CRTAC1: variants seen among roughly 807,000 people sequenced by gnomAD.
The protein encoded by CRTAC1 is cartilage acidic protein 1.
In CRTAC1, 37 loss-of-function variants were observed where a neutral mutation model predicts 67.8. The observed-to-expected ratio is 0.55, with a 90% CI of 0.42 to 0.72. The LOEUF (loss-of-function observed/expected upper bound fraction) is 0.72. CRTAC1 is among the 30% of genes least tolerant of loss of function. The pLI is 0.00. For missense variants in CRTAC1, 780 were observed against 931.6 expected (o/e 0.84, Z 2.12); for synonymous variants, 348 against 371.0 (o/e 0.94, Z 0.71).
intron 2 of CRTAC1, among the ~76,000 whole-genome samples, chr10:98,010,560 C>CT (rs1564934145): frequency 6.6e-6 from 1 of 152,090 alleles, no homozygotes; most frequent in Non-Finnish European, 1.5e-5. Context: ...TAGTCTTATG[C>CT]TTTTTTTGCA....
chr10:97,936,723 G>T (rs968529828), intron 2 of CRTAC1, among the ~76,000 whole-genome samples: 5 of 152,212 alleles, frequency 3.3e-5, no homozygotes, highest in Admixed American at 6.5e-5. Flanking sequence ...AATGCAAAAG[G>T]CACTTTCACA....
At chr10:97,888,742 C>G (rs897096411) in intron 11 of CRTAC1, among the ~76,000 whole-genome samples, 1 of 152,042 alleles carries the variant, frequency 6.6e-6, no homozygotes, top group Non-Finnish European at 1.5e-5. Flanking sequence ...CCAGCAGCCT[C>G]GAAGCCAGCT....
rs1488909959 is a variant in CRTAC1 at position 97,975,368 on chromosome 10, C to T, written c.224+35770G>A. On this transcript the variant is annotated intron_variant, in intron 2 of 14. Coordinates refer to ENST00000370597, the MANE Select transcript of CRTAC1 (RefSeq NM_018058.7). The surrounding 1 kb of genome is among the most constrained non-coding windows in gnomAD (Gnocchi z 4.8). ...CCTGGCTGGAGGGTTCAAAAGACTTCAGACCTCCGGGGCCCTGTGCACAGA... is the reference window on the plus strand; with the variant it reads ...CCTGGCTGGAGGGTTCAAAAGACTTTAGACCTCCGGGGCCCTGTGCACAGA... 1.3e-5 allele frequency among the ~76,000 whole-genome samples: 2 copies of T among 151,914 alleles called. No individual in the cohort carries two copies. Among genetic ancestry groups the T allele is most frequent in the African/African-American group, 4.8e-5 (2 of 41,370 alleles).
At position 97,891,364 on chromosome 10, in the gene CRTAC1, G is replaced by A. The variant is rs117462406; in HGVS notation, c.1486+3881C>T. 5.8e-3 allele frequency among the ~76,000 whole-genome samples: 881 copies of A among 152,252 alleles called. 6 individuals carry two copies. Among genetic ancestry groups the A allele is most frequent in the Non-Finnish European group, 7.9e-3 (537 of 68,018 alleles). On this transcript the variant is annotated intron_variant, in intron 11 of 14. Transcript: ENST00000370597. ...CACTTCTGGGCCTTTGGCCAAGCCAGCCCAACTCCTAGAATGGTCTCCTTA... is the reference window on the plus strand; with the variant it reads ...CACTTCTGGGCCTTTGGCCAAGCCAACCCAACTCCTAGAATGGTCTCCTTA...
At chr10:97,903,818 T>C (rs1396818700) in intron 7 of CRTAC1, among the ~76,000 whole-genome samples, 2 of 152,026 alleles carry the variant, frequency 1.3e-5, no homozygotes, top group Non-Finnish European at 2.9e-5. Flanking sequence ...TTTTGAAGAA[T>C]TCTTGGCATC....
At chr10:98,016,352 A>G (rs1842997071) in intron 1 of CRTAC1, among the ~76,000 whole-genome samples, 1 of 152,206 alleles carries the variant, frequency 6.6e-6, no homozygotes, top group Admixed American at 6.5e-5. Context: ...AGTATGTCCA[A>G]TTGATAACAT....
intron 2 of CRTAC1, among the ~76,000 whole-genome samples, chr10:97,973,437 G>A (rs1215365744): frequency 6.9e-6 from 1 of 145,928 alleles, no homozygotes; most frequent in East Asian, 2.0e-4. Flanking sequence ...TGTTTCAACA[G>A]CCCATCTCAA....
intron 3 of CRTAC1, among the ~76,000 whole-genome samples, chr10:97,934,540 CA>C (rs1181951070): frequency 2.0e-5 from 3 of 152,214 alleles, no homozygotes; most frequent in African/African-American, 4.8e-5. Flanking sequence ...GACTCAACAT[CA>C]GGGGCAGTCT....
At position 98,029,485 on chromosome 10, in the gene CRTAC1, A is replaced by G. The variant is rs2136714759; in HGVS notation, c.24+964T>C. Among the ~76,000 whole-genome samples, 1 of 117,178 alleles carries G rather than the reference A, an allele frequency of 8.5e-6. No individual in the cohort carries two copies. Among genetic ancestry groups the G allele is most frequent in the South Asian group, 2.9e-4 (1 of 3,452 alleles). 76.9% of individuals were successfully genotyped at this position (117,178 alleles called of 152,430 possible). ...AGCCACACTGGGTGCACCCACCAGC[A>G]GCAGCAGCGGCGGCGGCGGCGGCGG... On this transcript the variant is annotated intron_variant, in intron 1 of 14. Coordinates refer to ENST00000370597, the MANE Select transcript of CRTAC1 (RefSeq NM_018058.7). This position sits in a 1 kb window ranked among gnomAD's most constrained non-coding sequence, Gnocchi z 4.7.
At chr10:98,015,101 A>G (rs1402627375) in intron 1 of CRTAC1, among the ~76,000 whole-genome samples, 3 of 152,254 alleles carry the variant, frequency 2.0e-5, no homozygotes, top group Admixed American at 6.5e-5. Context: ...CATACAGTGC[A>G]ATATTATTCA....
intron 2 of CRTAC1, among the ~76,000 whole-genome samples, chr10:98,009,308 T>G (rs2136692724): frequency 6.6e-6 from 1 of 152,358 alleles, no homozygotes; most frequent in Non-Finnish European, 1.5e-5. Flanking sequence ...GATTCCATAC[T>G]GGACAGCACC....
At chr10:97,912,177 T>C in intron 5 of CRTAC1, among the ~76,000 whole-genome samples, 1 of 152,180 alleles carries the variant, frequency 6.6e-6, no homozygotes, top group Non-Finnish European at 1.5e-5. Flanking sequence ...GAAGGTGCCT[T>C]GGAAAATGTC....
intron 1 of CRTAC1, among the ~76,000 whole-genome samples, chr10:98,025,428 T>C (rs1398565211): frequency 6.6e-6 from 1 of 152,168 alleles, no homozygotes; most frequent in Non-Finnish European, 1.5e-5. Flanking sequence ...CTAGTCACCA[T>C]TCAAGGATTT....
At chr10:97,932,617 A>T (rs913525653) in intron 3 of CRTAC1, among the ~76,000 whole-genome samples, 2 of 152,152 alleles carry the variant, frequency 1.3e-5, no homozygotes, top group African/African-American at 2.4e-5. Flanking sequence ...CCTGGAGAAC[A>T]TCAGTGGGAA....
At chr10:97,931,404 C>G (rs978793224) in intron 3 of CRTAC1, among the ~76,000 whole-genome samples, 1 of 152,202 alleles carries the variant, frequency 6.6e-6, no homozygotes, top group African/African-American at 2.4e-5. Context: ...TTTGGTAGCA[C>G]GTTTTGTGAG....
intron 2 of CRTAC1, among the ~76,000 whole-genome samples, chr10:98,010,474 C>T (rs1590289322): frequency 6.6e-6 from 1 of 152,144 alleles, no homozygotes; most frequent in East Asian, 1.9e-4. Flanking sequence ...CTCTGAATGT[C>T]AGTGAGTAAG....
At chr10:97,967,229 C>G (rs929518486) in intron 2 of CRTAC1, among the ~76,000 whole-genome samples, 1 of 152,142 alleles carries the variant, frequency 6.6e-6, no homozygotes. Context: ...TAATCCAATA[C>G]AACTTTATTT....
At position 98,026,430 on chromosome 10, in the gene CRTAC1, A is replaced by G. The variant is rs539771352; in HGVS notation, c.24+4019T>C. ...TCTACCCACTCCCGCATTCAAACAA[A>G]AGTCCAGAGAGCTTGTACTATAACC... is the stretch of plus-strand genomic sequence containing the variant. On this transcript the variant is annotated intron_variant, in intron 1 of 14. Transcript: ENST00000370597. Among the ~76,000 whole-genome samples, 654 of 152,228 alleles carry G rather than the reference A, an allele frequency of 4.3e-3. 1 individual carries two copies. The highest frequency in any genetic ancestry group is 7.0e-3 in the Non-Finnish European group (479 of 68,014).
intron 5 of CRTAC1, among the ~76,000 whole-genome samples, chr10:97,914,769 C>T (rs533863472): frequency 5.3e-5 from 8 of 152,198 alleles, no homozygotes; most frequent in African/African-American, 1.9e-4. Flanking sequence ...GGGCAGCTCC[C>T]GGCACTGTCC....
Sources: allele counts gnomAD v4.1 joint callset (sites outside exome capture counted in the v4.1 genomes callset), GRCh38; gene constraint gnomAD v4.1.1; non-coding constraint Gnocchi (gnomAD v3.1); transcripts MANE v1.5; gene names NCBI Gene and HGNC (gene_info 2026-07-23, HGNC 2026-07-21).